ABCF1: variants seen among roughly 807,000 people sequenced by gnomAD.
The protein encoded by ABCF1 is ATP binding cassette subfamily F member 1, also known as ATP-binding cassette sub-family F member 1.
A neutral mutation model predicts 126.3 loss-of-function variants in ABCF1; 73 were observed. That is an observed-to-expected ratio of 0.58 (90% confidence interval 0.48 to 0.70). ABCF1 has a LOEUF of 0.70. Ranked by LOEUF, ABCF1 falls within the 30% of genes least tolerant of loss-of-function variation. ABCF1 has a pLI of 0.00. For synonymous variants in ABCF1, 345 were observed against 396.4 expected, an observed-to-expected ratio of 0.87 and a Z score of 1.54; for missense variants, 786 against 1,057.5, an observed-to-expected ratio of 0.74 and a Z score of 3.56.
At position 30,583,655 on chromosome 6, in the gene ABCF1, T is replaced by C; in HGVS notation, c.963T>C (p.Asn321=). ...ISAHGKELFV[N]ADLYIVAGRR... ...CTCATGGCAAGGAGCTGTTCGTCAA[T>C]GCAGACCTGTACATTGTAGCCGGCC... Residue 321 remains asparagine, a synonymous_variant, in exon 11 of 25, where the codon AAT becomes AAC. Coordinates refer to ENST00000326195, the MANE Select transcript of ABCF1 (RefSeq NM_001025091.2). This position sits in a 1 kb window ranked among gnomAD's most constrained non-coding sequence, Gnocchi z 4.1. 6.2e-7 allele frequency: 1 copy of C among 1,613,944 alleles called. No individual in the cohort carries two copies. The highest frequency in any genetic ancestry group is 8.5e-7 in the Non-Finnish European group (1 of 1,179,914).
rs149670649 is a variant in ABCF1 at position 30,579,954 on chromosome 6, T to C, written c.513T>C (p.Pro171=). The part of the protein sequence containing the change: ...INKAVSEEQQ[P]ALKGKKGKEE... The stretch of plus-strand genomic sequence containing the variant: ...AGGCCGTATCTGAGGAACAGCAGCC[T>C]GCACTCAAGGGCAAAAAGGGAAAGG... Residue 171 remains proline (P), a synonymous_variant, in exon 7 of 25, where the codon CCT becomes CCC. Coordinates refer to ENST00000326195, the MANE Select transcript of ABCF1 (RefSeq NM_001025091.2). 7 of 1,612,688 alleles carry C rather than the reference T, an allele frequency of 4.3e-6. No individual in the cohort carries two copies. In the African/African-American group the frequency reaches 8.0e-5, roughly 18 times the overall value.
In ABCF1 at chr6:30,577,437, CAAG is replaced by C. The variant is rs776582273; in HGVS notation, c.107_109del (p.Lys36del). On this transcript the variant is annotated inframe_deletion, in exon 2 of 25. Transcript: ENST00000326195. ...AAGTGGTGAAGAAAGGGAAGAAGGA[CAAG>C]AAGATCAAAAAAACGGTGAGAAAAT... is the stretch of plus-strand genomic sequence containing the variant. 35 of 1,613,162 alleles carry C rather than the reference CAAG, an allele frequency of 2.2e-5. No individual in the cohort carries two copies. Among genetic ancestry groups the C allele is most frequent in the Admixed American group, 5.0e-5 (3 of 59,860 alleles).
intron 8 of ABCF1, among the ~76,000 whole-genome samples, chr6:30,581,904 A>G (rs1194011029): frequency 1.3e-5 from 2 of 152,202 alleles, no homozygotes; most frequent in African/African-American, 4.8e-5. Flanking sequence ...GCAGAAATTA[A>G]TAAAGGACCT....
chr6:30,576,349 G>C (rs1481565516), intron 1 of ABCF1, among the ~76,000 whole-genome samples: 1 of 125,746 alleles, frequency 8.0e-6, no homozygotes, highest in Non-Finnish European at 1.6e-5. Context: ...GTACAATAGC[G>C]TGATCTCAGC....
In ABCF1 at chr6:30,571,478, T is replaced by A; in HGVS notation, c.-10T>A. ...CGGGCGCCGCCACAGTAGCTGTAAC[T>A]GCCACCGCGATGCCGAAGGCGCCCA... is the stretch of plus-strand genomic sequence containing the variant. On this transcript the variant is annotated 5_prime_UTR_variant, in exon 1 of 25. Coordinates refer to ENST00000326195, the MANE Select transcript of ABCF1 (RefSeq NM_001025091.2). 11 of 1,608,694 alleles carry A rather than the reference T, an allele frequency of 6.8e-6. No homozygotes were observed. Among genetic ancestry groups the A allele is most frequent in the Non-Finnish European group, 9.3e-6 (11 of 1,178,450 alleles).
In ABCF1 at chr6:30,584,716, T is replaced by C. The variant is rs988702856; in HGVS notation, c.1391+150T>C. The stretch of plus-strand genomic sequence containing the variant: ...CTGTGTTGTGAGAACTTAGGGTCTT[T>C]CTCTATTTATCTCCCTACTTGGTGG... On this transcript the variant is annotated intron_variant, in intron 14 of 24. Coordinates refer to ENST00000326195, the MANE Select transcript of ABCF1 (RefSeq NM_001025091.2). The surrounding 1 kb of genome is among the most constrained non-coding windows in gnomAD (Gnocchi z 4.6). 2.7e-6 allele frequency: 3 copies of C among 1,116,186 alleles called. No individual in the cohort carries two copies. The African/African-American group carries it at 4.7e-5, about 18-fold the overall frequency. The allele number at this position is 1,116,186 out of a possible 1,614,324, so 69.1% of individuals were successfully genotyped here. A position where few individuals can be genotyped will look rare whatever the true frequency, so the allele number is the denominator to read the frequency against.
chr6:30,580,039 G>A, intron 7 of ABCF1, 34 bp downstream of exon 7: 1 of 1,603,408 alleles, frequency 6.2e-7, no homozygotes, highest in South Asian at 1.1e-5. Context: ...AGGTATTGGG[G>A]CCCAGGAATT....
rs995068788 is a variant in ABCF1 at position 30,584,050 on chromosome 6, A to G, written c.1103-142A>G. 11 of 1,407,568 alleles carry G rather than the reference A, an allele frequency of 7.8e-6. No homozygotes were observed. Among genetic ancestry groups the G allele is most frequent in the Admixed American group, 2.2e-5 (1 of 44,944 alleles). 87.2% of individuals were successfully genotyped at this position (1,407,568 alleles called of 1,614,324 possible). ...TGCTAAGGAAAGGAGGGGAGGGTCA[A>G]TGAGGAACTTGAGAGTGTTTTATTT... On this transcript the variant is annotated intron_variant, in intron 12 of 24. Transcript: ENST00000326195. The surrounding 1 kb of genome is among the most constrained non-coding windows in gnomAD (Gnocchi z 4.6).
intron 1 of ABCF1, among the ~76,000 whole-genome samples, chr6:30,576,580 C>T (rs556546936): frequency 1.5e-4 from 23 of 152,152 alleles, no homozygotes; most frequent in Non-Finnish European, 2.6e-4. Context: ...TGAGCCACCG[C>T]GCCCGGCCGG....
chr6:30,582,692 G>T (rs1801888489), intron 9 of ABCF1, among the ~76,000 whole-genome samples, 185 bp downstream of exon 9: 1 of 151,794 alleles, frequency 6.6e-6, no homozygotes, highest in Non-Finnish European at 1.5e-5. Context: ...TTTCACTTTG[G>T]GGTTTTTTGT....
Position 30,590,529 on chromosome 6 carries a change from T to C in ABCF1, c.2372-6T>C. ...TGCCCTCTGTTGTTGCTATCTTTCT[T>C]CAAAGCTGTGATCGTTGTCAGCCAT... On this transcript the variant is annotated splice_region_variant and splice_polypyrimidine_tract_variant and intron_variant, in intron 24 of 24. Transcript: ENST00000326195. The C allele has an allele frequency of 1.2e-6, 2 of 1,607,440 alleles. No individual in the cohort carries two copies. Among genetic ancestry groups the C allele is most frequent in the Non-Finnish European group, 1.7e-6 (2 of 1,177,716 alleles).
At chr6:30,588,208 C>G (rs932867666) in intron 20 of ABCF1, among the ~76,000 whole-genome samples, 2 of 152,074 alleles carry the variant, frequency 1.3e-5, no homozygotes, top group African/African-American at 4.8e-5. Context: ...GCTGAGATAA[C>G]CAGTATTAAT....
At position 30,585,840 on chromosome 6, in the gene ABCF1, G is replaced by C. The variant is rs1324237821; in HGVS notation, c.1601-39G>C. The stretch of plus-strand genomic sequence containing the variant: ...CCTGGTTGTCCCTTTGCTGGGAAGA[G>C]GAGCAACCACTGATGCCTGGTCCCC... On this transcript the variant is annotated intron_variant, in intron 16 of 24. Transcript: ENST00000326195. The C allele has an allele frequency of 5.7e-6, 9 of 1,571,856 alleles. No homozygotes were observed. In the South Asian group the frequency reaches 1.0e-4, roughly 18 times the overall value.
At chr6:30,582,658 C>T in intron 9 of ABCF1, 151 bp downstream of exon 9, 1 of 872,140 alleles carries the variant, frequency 1.1e-6, no homozygotes, top group African/African-American at 1.7e-5. Context: ...TGAACCTTAT[C>T]TCAATGTCTG....
intron 3 of ABCF1, 30 bp downstream of exon 3, chr6:30,577,943 G>T: frequency 6.2e-7 from 1 of 1,613,596 alleles, no homozygotes; most frequent in South Asian, 1.1e-5. Context: ...CACCAATCCT[G>T]GGAGGCATCT....
In ABCF1 at chr6:30,583,156, C is replaced by A; in HGVS notation, c.883C>A (p.Gln295Lys). 6.2e-7 allele frequency: 1 copy of A among 1,610,646 alleles called. No homozygotes were observed. Reference protein sequence around the residue: ...SVSQAEMSSRQAMLENASDIK... With the variant: ...SVSQAEMSSRKAMLENASDIK... ...GTCCCAGGCGGAGATGTCCTCCCGC[C>A]AAGCCATGTTAGAAAATGCATCTGA... The change falls in exon 10 of 25, where the codon CAA becomes AAA. Residue 295 changes from glutamine to lysine, a missense_variant. Transcript: ENST00000326195. This position sits in a 1 kb window ranked among gnomAD's most constrained non-coding sequence, Gnocchi z 4.1.
rs1296041723 is a variant in ABCF1, at chr6:30,590,137, C to T, written c.2234-12C>T. The stretch of plus-strand genomic sequence containing the variant: ...TGCTAGGTGTGACAGCCCTCCCCTT[C>T]CTTTGCTACAGGTGGTCAGAAGGCG... On this transcript the variant is annotated splice_polypyrimidine_tract_variant and intron_variant, in intron 22 of 24. Transcript: ENST00000326195. 4.3e-6 allele frequency: 7 copies of T among 1,613,036 alleles called. No homozygotes were observed. Among genetic ancestry groups the T allele is most frequent in the Non-Finnish European group, 5.1e-6 (6 of 1,180,000 alleles).
intron 14 of ABCF1, 105 bp from the exon 15 acceptor site, chr6:30,585,155 G>C (rs1355210551): frequency 1.0e-6 from 1 of 1,001,876 alleles, no homozygotes. Flanking sequence ...GAGAGCTTGG[G>C]AAGGAGTGTT....
rs111494498 is a variant in ABCF1 at position 30,584,540 on chromosome 6, C to T, written c.1365C>T (p.Gly455=). Residue 455 remains glycine (G), a synonymous_variant, in exon 14 of 25, where the codon GGC becomes GGT. Transcript: ENST00000326195. This position sits in a 1 kb window ranked among gnomAD's most constrained non-coding sequence, Gnocchi z 4.6. ...GACCCACACAGAAGTTCTCAGGGGG[C>T]TGGCGCATGCGTGTCTCCCTGGCCA... ...QNRPTQKFSG[G]WRMRVSLARA... is the part of the protein sequence containing the mutation. The T allele has an allele frequency of 9.6e-5, 154 of 1,608,744 alleles. 2 individuals carry two copies. In the African/African-American group the frequency reaches 1.5e-3, roughly 15 times the overall value.
Sources: gnomAD v4.1 joint callset for allele counts (sites outside exome capture counted in the v4.1 genomes callset) on GRCh38, gnomAD v4.1.1 for gene constraint, Gnocchi (gnomAD v3.1) non-coding constraint, MANE v1.5 for transcripts, NCBI Gene and HGNC (gene_info 2026-07-23, HGNC 2026-07-21) for gene names.